The following SNRK variants were observed in gnomAD, a reference collection of about 807,000 sequenced individuals.
The protein encoded by SNRK is SNF related kinase, also known as SNF-related serine/threonine-protein kinase.
A neutral mutation model predicts 48.2 loss-of-function variants in SNRK; 3 were observed. The ratio of observed to expected loss-of-function variants is 0.06; its 90% CI spans 0.03 to 0.16. The LOEUF (loss-of-function observed/expected upper bound fraction) is 0.16, where lower values mean the gene tolerates loss of function less well. Ranked by LOEUF, SNRK falls within the 10% of genes least tolerant of loss-of-function variation. The pLI is 1.00. For synonymous variants in SNRK, 376 were observed against 366.1 expected, an observed-to-expected ratio of 1.03 and a Z score of -0.31; for missense variants, 627 against 976.0, an observed-to-expected ratio of 0.64 and a Z score of 4.76.
intron 1 of SNRK, among the ~76,000 whole-genome samples, chr3:43,296,431 T>G (rs6807781): frequency 2.1e-4 from 25 of 118,516 alleles, no homozygotes; most frequent in Non-Finnish European, 3.8e-4. Flanking sequence ...TATATATATA[T>G]ATGTATATAT....
intron 1 of SNRK, among the ~76,000 whole-genome samples, chr3:43,292,015 A>G (rs1481697662): frequency 6.6e-6 from 1 of 152,260 alleles, no homozygotes; most frequent in East Asian, 1.9e-4. Context: ...AGTGCAGTAC[A>G]TACATAGATT....
intron 1 of SNRK, among the ~76,000 whole-genome samples, chr3:43,295,121 T>A (rs899763216): frequency 3.9e-5 from 6 of 152,212 alleles, no homozygotes; most frequent in African/African-American, 1.4e-4. Flanking sequence ...TGTTTAGGAA[T>A]TTCATCTGTG....
Position 43,303,293 on chromosome 3 carries a change from T to C in SNRK, c.90T>C (p.Val30=). 1 of 1,614,212 alleles carries C rather than the reference T, an allele frequency of 6.2e-7. No homozygotes were observed. The highest frequency in any genetic ancestry group is 8.5e-7 in the Non-Finnish European group (1 of 1,180,028). Residue 30 remains valine, a synonymous_variant, in exon 3 of 7, where the codon GTT becomes GTC. Coordinates refer to ENST00000296088, the MANE Select transcript of SNRK (RefSeq NM_017719.5). This position sits in a 1 kb window ranked among gnomAD's most constrained non-coding sequence, Gnocchi z 6.2. ...TGGGTCGAGGCCATTTTGCCGTGGTTAAACTTGCCAGGCATGTCTTTACGG... is the reference window on the plus strand; with the variant it reads ...TGGGTCGAGGCCATTTTGCCGTGGTCAAACTTGCCAGGCATGTCTTTACGG... ...KTLGRGHFAV[V]KLARHVFTGE...
rs1172649523 is a variant in SNRK, at chr3:43,286,630, G to C, written c.-214G>C. On this transcript the variant is annotated 5_prime_UTR_variant, in exon 1 of 7. Transcript: ENST00000296088. The stretch of plus-strand genomic sequence containing the variant: ...GGGTTTCGGCGGCCGGGAGGGAGTT[G>C]TCGGCGCCGCGGCCGCTGCGGACGG... The C allele has an allele frequency of 6.7e-6, 1 of 150,032 alleles. No homozygotes were observed. The highest frequency in any genetic ancestry group is 1.5e-5 in the Non-Finnish European group (1 of 67,244). 9.3% of individuals were successfully genotyped at this position (150,032 alleles called of 1,614,324 possible).
intron 3 of SNRK, among the ~76,000 whole-genome samples, chr3:43,305,684 A>G (rs2125621832): frequency 6.6e-6 from 1 of 151,722 alleles, no homozygotes; most frequent in African/African-American, 2.4e-5. Context: ...ACGGGGTTTC[A>G]CCGTGTTAGC....
intron 2 of SNRK, among the ~76,000 whole-genome samples, chr3:43,301,707 C>T (rs958658357): frequency 2.0e-5 from 3 of 152,120 alleles, no homozygotes; most frequent in South Asian, 4.1e-4. Context: ...ATAATTAATG[C>T]TCTTAATATG....
At position 43,303,605 on chromosome 3, in the gene SNRK, T is replaced by C. The variant is rs780697274; in HGVS notation, c.402T>C (p.His134=). Residue 134 remains histidine, a synonymous_variant, in exon 3 of 7, where the codon CAT becomes CAC. Transcript: ENST00000296088. This position sits in a 1 kb window ranked among gnomAD's most constrained non-coding sequence, Gnocchi z 6.2. ...CTATATCTTATTGCCATAAACTCCA[T>C]GTGGTTCACAGAGACTTAAAACCAG... The part of the protein sequence containing the change: ...VHAISYCHKL[H]VVHRDLKPEN... 8.7e-6 allele frequency: 14 copies of C among 1,614,210 alleles called. No homozygotes were observed. Among genetic ancestry groups the C allele is most frequent in the East Asian group, 2.2e-5 (1 of 44,886 alleles).
At chr3:43,321,960 A>G (rs2091056910) in intron 3 of SNRK, among the ~76,000 whole-genome samples, 1 of 152,198 alleles carries the variant, frequency 6.6e-6, no homozygotes, top group Non-Finnish European at 1.5e-5. Context: ...CTTCATTGCC[A>G]ACTTTTTAGG....
intron 1 of SNRK, among the ~76,000 whole-genome samples, chr3:43,298,306 C>G (rs1031701817): frequency 3.9e-5 from 6 of 152,132 alleles, no homozygotes; most frequent in Admixed American, 6.5e-5. Flanking sequence ...CACTGCTTTG[C>G]CACAGAGACT....
At chr3:43,314,755 A>G (rs1183002333) in intron 3 of SNRK, among the ~76,000 whole-genome samples, 1 of 152,204 alleles carries the variant, frequency 6.6e-6, no homozygotes, top group Non-Finnish European at 1.5e-5. Flanking sequence ...TCAGAAGGAC[A>G]TAAATGAAGT....
chr3:43,307,908 T>C (rs1224588463), intron 3 of SNRK, among the ~76,000 whole-genome samples: 2 of 152,188 alleles, frequency 1.3e-5, no homozygotes, highest in African/African-American at 2.4e-5. Context: ...TTGCACCTAA[T>C]AGCCAAGTTA....
At chr3:43,314,425 C>A (rs2091000470) in intron 3 of SNRK, among the ~76,000 whole-genome samples, 1 of 152,096 alleles carries the variant, frequency 6.6e-6, no homozygotes, top group Admixed American at 6.5e-5. Flanking sequence ...TTCTTTATAG[C>A]TATTAACTTA....
chr3:43,342,528 G>A (rs2091244974), intron 5 of SNRK, among the ~76,000 whole-genome samples: 1 of 152,182 alleles, frequency 6.6e-6, no homozygotes, highest in Non-Finnish European at 1.5e-5. Context: ...TTGAAAAATG[G>A]TGTCTCTTGC....
intron 4 of SNRK, among the ~76,000 whole-genome samples, chr3:43,337,460 A>G (rs1276220784): frequency 6.6e-6 from 1 of 151,374 alleles, no homozygotes; most frequent in Non-Finnish European, 1.5e-5. Flanking sequence ...TCACCCTGTC[A>G]CCCAGGCTGG....
chr3:43,304,913 C>T (rs2090925638), intron 3 of SNRK, among the ~76,000 whole-genome samples: 1 of 152,036 alleles, frequency 6.6e-6, no homozygotes, highest in African/African-American at 2.4e-5. Flanking sequence ...TGAAGTCTTT[C>T]ATTAGAATAT....
Position 43,340,374 on chromosome 3 carries a change from C to A in SNRK, c.819C>A (p.Asp273Glu). The A allele has an allele frequency of 6.2e-7, 1 of 1,614,096 alleles. No individual in the cohort carries two copies. Among genetic ancestry groups the A allele is most frequent in the Non-Finnish European group, 8.5e-7 (1 of 1,179,986 alleles). ...ATCATCCTTGGCTTCAGGGAGTGGA[C>A]CCTTCACCAGCTACAAAGTATAACA... The part of the protein sequence containing the change: ...IENHPWLQGV[D>E]PSPATKYNIP... The change falls in exon 5 of 7, where the codon GAC becomes GAA. Residue 273 changes from aspartate to glutamate, a missense_variant. Transcript: ENST00000296088.
At chr3:43,330,130 T>C (rs763248112) in intron 3 of SNRK, among the ~76,000 whole-genome samples, 3 of 152,198 alleles carry the variant, frequency 2.0e-5, no homozygotes, top group Non-Finnish European at 4.4e-5. Flanking sequence ...TATTAGTGGT[T>C]AGGTATGATT....
intron 3 of SNRK, among the ~76,000 whole-genome samples, chr3:43,305,839 G>A (rs1444595061): frequency 1.3e-5 from 2 of 152,126 alleles, no homozygotes; most frequent in African/African-American, 4.8e-5. Context: ...TTGTTTAGGA[G>A]TACATGAACA....
chr3:43,341,037 G>A (rs2091231792), intron 5 of SNRK, among the ~76,000 whole-genome samples: 1 of 149,984 alleles, frequency 6.7e-6, no homozygotes, highest in East Asian at 1.9e-4. Context: ...GGCCTACAAA[G>A]CCTGAAATAT....
Sources: allele counts gnomAD v4.1 joint callset (sites outside exome capture counted in the v4.1 genomes callset), GRCh38; gene constraint gnomAD v4.1.1; non-coding constraint Gnocchi (gnomAD v3.1); transcripts MANE v1.5; gene names NCBI Gene and HGNC (gene_info 2026-07-23, HGNC 2026-07-21).